Variants in LRBA observed in about 807,000 individuals in gnomAD.
LRBA encodes the protein lipopolysaccharide-responsive and beige-like anchor protein.
LRBA carries 176 observed loss-of-function variants against 330.0 expected under a neutral mutation model. The observed-to-expected ratio is 0.53, with a 90% confidence interval of 0.47 to 0.60. The LOEUF (loss-of-function observed/expected upper bound fraction) is 0.60, where lower values mean the gene tolerates loss of function less well. LRBA is among the 20% of genes least tolerant of loss of function. The pLI is 0.00. For missense variants in LRBA, 3,259 were observed against 3,444.8 expected (o/e 0.95, Z 1.35); for synonymous variants, 1,230 against 1,193.0 (o/e 1.03, Z -0.64).
chr4:151,010,172 C>T (rs897562252), intron 2 of LRBA, among the ~76,000 whole-genome samples: 1 of 152,016 alleles, frequency 6.6e-6, no homozygotes, highest in African/African-American at 2.4e-5. Context: ...ACTGTAATTA[C>T]TTAACAAAAA....
At position 151,014,554 on chromosome 4, in the gene LRBA, C is replaced by G. The variant is rs754377116; in HGVS notation, c.89G>C (p.Gly30Ala). 2 of 1,613,726 alleles carry G rather than the reference C, an allele frequency of 1.2e-6. No homozygotes were observed. The highest frequency in any genetic ancestry group is 4.5e-5 in the East Asian group (2 of 44,890). ...GGGREETPTEGGALSLKPGLP... is the reference protein window; with the variant it reads ...GGGREETPTEAGALSLKPGLP... Reference sequence around the variant, plus strand: ...CCCTGGTTTCAGAGACAATGCACCCCCTTCAGTAGGGGTTTCTTCTCTCCC... The same window carrying G: ...CCCTGGTTTCAGAGACAATGCACCCGCTTCAGTAGGGGTTTCTTCTCTCCC... The change falls in exon 2 of 57, where the codon GGG (glycine) becomes GCG (alanine). Residue 30 changes from glycine to alanine, a missense_variant. Coordinates refer to ENST00000651943, the MANE Select transcript of LRBA (RefSeq NM_001364905.1).
intron 34 of LRBA, among the ~76,000 whole-genome samples, chr4:150,783,562 A>T (rs1160408578): frequency 6.6e-6 from 1 of 152,244 alleles, no homozygotes; most frequent in Non-Finnish European, 1.5e-5. Context: ...CCTAATTATA[A>T]TCTGAGCTTC....
intron 37 of LRBA, among the ~76,000 whole-genome samples, chr4:150,616,787 T>A (rs916986426): frequency 6.6e-6 from 1 of 152,180 alleles, no homozygotes; most frequent in Non-Finnish European, 1.5e-5. Flanking sequence ...TAGTACATTA[T>A]AAACATTTGG....
At chr4:150,505,801 T>C (rs1196580395) in intron 40 of LRBA, among the ~76,000 whole-genome samples, 3 of 152,180 alleles carry the variant, frequency 2.0e-5, no homozygotes, top group Admixed American at 2.0e-4. Context: ...AGTTGGTTTT[T>C]TGAAAAGATC....
intron 2 of LRBA, among the ~76,000 whole-genome samples, chr4:151,004,277 C>T (rs1474861100): frequency 2.0e-5 from 3 of 152,112 alleles, no homozygotes; most frequent in African/African-American, 4.8e-5. Context: ...ACTCATGATC[C>T]ACCAGCTTCA....
intron 2 of LRBA, among the ~76,000 whole-genome samples, chr4:151,005,455 A>C (rs1200447636): frequency 3.3e-5 from 5 of 151,264 alleles, no homozygotes; most frequent in Admixed American, 6.6e-5. Context: ...AAAAAAAAAA[A>C]AAAAAAAAAC....
At chr4:150,598,496 A>T (rs1044315204) in intron 38 of LRBA, among the ~76,000 whole-genome samples, 1 of 152,142 alleles carries the variant, frequency 6.6e-6, no homozygotes, top group African/African-American at 2.4e-5. Context: ...CTCTTTTTCC[A>T]TGAGCCATCT....
chr4:150,546,898 G>T (rs928593058), intron 40 of LRBA, among the ~76,000 whole-genome samples: 4 of 152,038 alleles, frequency 2.6e-5, no homozygotes, highest in Admixed American at 2.6e-4. Context: ...GGAACTAAAA[G>T]GCAAAATCTT....
intron 44 of LRBA, among the ~76,000 whole-genome samples, chr4:150,448,239 C>G (rs1752849956): frequency 6.6e-6 from 1 of 152,162 alleles, no homozygotes; most frequent in Admixed American, 6.5e-5. Context: ...CCTCACTAGA[C>G]AAAGTCGTGG....
chr4:150,571,343 T>G (rs1016379625), intron 40 of LRBA, among the ~76,000 whole-genome samples: 5 of 152,202 alleles, frequency 3.3e-5, no homozygotes, highest in African/African-American at 1.2e-4. Context: ...AATCAATGAT[T>G]AATAAACAGA....
At chr4:150,908,251 C>T (rs560633805) in intron 11 of LRBA, 83 bp downstream of exon 11, 7 of 1,402,802 alleles carry the variant, frequency 5.0e-6, no homozygotes, top group African/African-American at 1.5e-5. Context: ...CACAACAAAA[C>T]CTGAAAGGCA....
chr4:150,415,858 C>T (rs1747661065), intron 46 of LRBA, among the ~76,000 whole-genome samples: 1 of 152,056 alleles, frequency 6.6e-6, no homozygotes, highest in African/African-American at 2.4e-5. Flanking sequence ...CTCTTAAATA[C>T]AAATATTTTA....
intron 33 of LRBA, among the ~76,000 whole-genome samples, chr4:150,800,572 C>A (rs1409509439): frequency 6.6e-6 from 1 of 152,156 alleles, no homozygotes; most frequent in Non-Finnish European, 1.5e-5. Flanking sequence ...CAGATTTAGT[C>A]ATACTCTAAG....
intron 36 of LRBA, among the ~76,000 whole-genome samples, chr4:150,699,878 A>G (rs1276724545): frequency 6.6e-6 from 1 of 152,176 alleles, no homozygotes; most frequent in African/African-American, 2.4e-5. Flanking sequence ...GACATTAAAA[A>G]GAACTTGAAT....
chr4:150,320,078 C>CTGG (rs768104188), intron 50 of LRBA, among the ~76,000 whole-genome samples: 12 of 152,094 alleles, frequency 7.9e-5, no homozygotes, highest in Admixed American at 4.6e-4. Context: ...AAAATTCTAA[C>CTGG]TGGCCAAAGA....
intron 44 of LRBA, among the ~76,000 whole-genome samples, chr4:150,450,446 G>T (rs1002988071): frequency 6.6e-6 from 1 of 152,118 alleles, no homozygotes; most frequent in African/African-American, 2.4e-5. Context: ...AGGCTCAGCT[G>T]TTCCTTGGCT....
At chr4:150,881,915 T>C (rs1728438989) in intron 17 of LRBA, among the ~76,000 whole-genome samples, 1 of 152,022 alleles carries the variant, frequency 6.6e-6, no homozygotes, top group Non-Finnish European at 1.5e-5. Flanking sequence ...GGCAAAACCC[T>C]GTCTCTATTA....
chr4:150,742,041 A>G (rs1460413916), intron 35 of LRBA, among the ~76,000 whole-genome samples: 3 of 151,978 alleles, frequency 2.0e-5, no homozygotes, highest in Non-Finnish European at 4.4e-5. Context: ...GTAATCTGGA[A>G]CATTTTTGAT....
At chr4:150,783,300 T>C (rs1004118196) in intron 34 of LRBA, among the ~76,000 whole-genome samples, 3 of 152,200 alleles carry the variant, frequency 2.0e-5, no homozygotes, top group Admixed American at 1.3e-4. Flanking sequence ...CACGAATTAG[T>C]AGCACTTCAC....
Sources: allele counts gnomAD v4.1 joint callset (sites outside exome capture counted in the v4.1 genomes callset), GRCh38; gene constraint gnomAD v4.1.1; transcripts MANE v1.5; gene names NCBI Gene and HGNC (gene_info 2026-07-23, HGNC 2026-07-21).